C6: variants seen among roughly 807,000 people sequenced by gnomAD.
C6 encodes complement component C6.
Under a neutral mutation model 112.9 loss-of-function variants are expected in C6, and 101 were observed. The observed-to-expected ratio is 0.89, with a 90% CI of 0.76 to 1.06. The LOEUF is 1.06. Among genes scored for constraint, C6 ranks in the 50% least tolerant of loss-of-function variants. The pLI is 0.00. For synonymous variants in C6, 431 were observed against 384.1 expected, an observed-to-expected ratio of 1.12 and a Z score of -1.43; for missense variants, 1,202 against 1,104.6, an observed-to-expected ratio of 1.09 and a Z score of -1.25.
chr5:41,183,838 T>C (rs1749548309), intron 6 of C6, among the ~76,000 whole-genome samples: 1 of 152,140 alleles, frequency 6.6e-6, no homozygotes, highest in South Asian at 2.1e-4. Context: ...GCAACATGGA[T>C]ACAGCTGGAG....
rs537434123 is a variant in C6 at position 41,172,773 on chromosome 5, C to T, written c.1169-426G>A. The stretch of plus-strand genomic sequence containing the variant: ...ATGACGTGCTCTGATCTGTTCTCTA[C>T]TCCAAGACCTACTTTCCGGGCCACT... On this transcript the variant is annotated intron_variant, in intron 8 of 17. Coordinates refer to ENST00000337836, the MANE Select transcript of C6 (RefSeq NM_000065.5). 3.0e-4 allele frequency: 60 copies of T among 201,332 alleles called. No homozygotes were observed. In the South Asian group the frequency reaches 5.2e-3, roughly 17 times the overall value. 12.5% of individuals were successfully genotyped at this position (201,332 alleles called of 1,614,324 possible).
At chr5:41,189,413 A>T (rs544810093) in intron 5 of C6, among the ~76,000 whole-genome samples, 150 of 152,230 alleles carry the variant, frequency 9.9e-4, no homozygotes, top group African/African-American at 3.5e-3. Context: ...ACAATGTGAT[A>T]GAATGATACA....
chr5:41,166,954 A>G (rs80316580), intron 9 of C6, among the ~76,000 whole-genome samples: 6,326 of 152,216 alleles, frequency 0.042, 136 homozygotes, highest in African/African-American at 0.057. Flanking sequence ...TATACAGTAA[A>G]TGAATCCAGT....
chr5:41,221,936 A>G (rs1004002118), intron 1 of C6, among the ~76,000 whole-genome samples: 13 of 152,072 alleles, frequency 8.5e-5, no homozygotes, highest in Non-Finnish European at 1.9e-4. Context: ...AGGCCAAGGC[A>G]GGTGGATCAC....
At chr5:41,153,472 G>A (rs934438067) in intron 15 of C6, among the ~76,000 whole-genome samples, 68 of 152,142 alleles carry the variant, frequency 4.5e-4, no homozygotes, top group African/African-American at 1.6e-3. Context: ...ATGATCAGGA[G>A]TCTAGTGAAA....
intron 4 of C6, among the ~76,000 whole-genome samples, chr5:41,198,604 T>C (rs1378248331): frequency 6.6e-6 from 1 of 152,168 alleles, no homozygotes; most frequent in Non-Finnish European, 1.5e-5. Flanking sequence ...TGGACATAAC[T>C]GTTGATGAAC....
chr5:41,162,096 C>T (rs1434032421), intron 9 of C6, among the ~76,000 whole-genome samples: 1 of 152,058 alleles, frequency 6.6e-6, no homozygotes, highest in African/African-American at 2.4e-5. Flanking sequence ...TGGTAGATGC[C>T]AGGCACTTTA....
At chr5:41,149,520 A>T in intron 16 of C6, 38 bp from the exon 17 acceptor site, 1 of 1,612,012 alleles carries the variant, frequency 6.2e-7, no homozygotes, top group Admixed American at 1.7e-5. Context: ...CTATATGAAG[A>T]TCAGAAAAAA....
At chr5:41,179,256 C>T (rs534360911) in intron 7 of C6, among the ~76,000 whole-genome samples, 1 of 152,278 alleles carries the variant, frequency 6.6e-6, no homozygotes, top group East Asian at 1.9e-4. Flanking sequence ...TTGGGACAGA[C>T]TATTAGGAGA....
intron 1 of C6, among the ~76,000 whole-genome samples, chr5:41,246,074 C>T (rs1472566110): frequency 1.3e-5 from 2 of 152,152 alleles, no homozygotes; most frequent in Non-Finnish European, 2.9e-5. Flanking sequence ...TAGTCTTTGA[C>T]AATTCTTAAC....
At chr5:41,231,808 C>A (rs1034448894) in intron 1 of C6, among the ~76,000 whole-genome samples, 3 of 151,902 alleles carry the variant, frequency 2.0e-5, no homozygotes, top group Admixed American at 6.6e-5. Context: ...AAATGATAGA[C>A]ACTGTGTGTG....
chr5:41,240,079 G>A (rs1740602618), intron 1 of C6, among the ~76,000 whole-genome samples: 1 of 152,106 alleles, frequency 6.6e-6, no homozygotes, highest in African/African-American at 2.4e-5. Flanking sequence ...AATGTGTTAG[G>A]GAGGATCTTT....
intron 1 of C6, among the ~76,000 whole-genome samples, chr5:41,245,445 T>C (rs10050690): frequency 0.025 from 3,858 of 152,054 alleles, 161 homozygotes; most frequent in African/African-American, 0.088. Context: ...TCGCTTGAAC[T>C]CATGGGTGGA....
intron 9 of C6, 126 bp downstream of exon 9, chr5:41,172,099 G>A (rs572768461): frequency 6.2e-6 from 6 of 969,416 alleles, no homozygotes; most frequent in East Asian, 2.4e-5. Flanking sequence ...CAACACACAG[G>A]GTTCTGAGGA....
chr5:41,207,117 A>T (rs560709035), intron 1 of C6, among the ~76,000 whole-genome samples: 2 of 152,342 alleles, frequency 1.3e-5, no homozygotes, highest in Non-Finnish European at 2.9e-5. Context: ...TTTCGTATCC[A>T]GCCAAACTAA....
Position 41,160,204 on chromosome 5 carries a change from C to A in C6, c.1622G>T (p.Cys541Phe). 6.2e-7 allele frequency: 1 copy of A among 1,613,944 alleles called. No homozygotes were observed. Residue 541 changes from cysteine (C) to phenylalanine (F), a missense_variant, in exon 11 of 18, where the codon TGT (cysteine) becomes TTT (phenylalanine). By Grantham distance (205) the Cys-to-Phe change is radical. Transcript: ENST00000337836. ...ACCATAGGTGCCACTCTGACACACA[C>A]ACAGACATTCAGTCCCTGAGAGGGT... ...RPTLSGTECL[C>F]VCQSGTYGEN...
intron 17 of C6, among the ~76,000 whole-genome samples, chr5:41,144,728 C>G (rs562867498): frequency 6.6e-6 from 1 of 152,152 alleles, no homozygotes; most frequent in Non-Finnish European, 1.5e-5. Flanking sequence ...TTTTAATCCT[C>G]TCCCTACTCC....
At chr5:41,150,937 C>T (rs1746336144) in intron 15 of C6, among the ~76,000 whole-genome samples, 1 of 149,786 alleles carries the variant, frequency 6.7e-6, no homozygotes, top group Admixed American at 6.6e-5. Flanking sequence ...ACTGAAAGAA[C>T]CCAGTGTGGT....
chr5:41,223,008 T>G (rs895282144), intron 1 of C6, among the ~76,000 whole-genome samples: 1 of 152,216 alleles, frequency 6.6e-6, no homozygotes, highest in Non-Finnish European at 1.5e-5. Context: ...GAATTTCTAT[T>G]GTAAATAAAA....
Sources: gnomAD v4.1 joint callset for allele counts (sites outside exome capture counted in the v4.1 genomes callset) on GRCh38, gnomAD v4.1.1 for gene constraint, MANE v1.5 for transcripts, NCBI Gene and HGNC (gene_info 2026-07-23, HGNC 2026-07-21) for gene names.